TSPAN18: variants seen among roughly 807,000 people sequenced by gnomAD.
The protein encoded by TSPAN18 is tetraspanin 18, also known as tetraspanin-18.
A neutral mutation model predicts 27.3 loss-of-function variants in TSPAN18; 14 were observed. The ratio of observed to expected loss-of-function variants is 0.51; its 90% confidence interval spans 0.34 to 0.80. The LOEUF is 0.80. Ranked by LOEUF, TSPAN18 falls within the 30% of genes least tolerant of loss-of-function variation. The pLI is 0.01. For synonymous variants in TSPAN18, 143 were observed against 136.5 expected, an observed-to-expected ratio of 1.05 and a Z score of -0.33; for missense variants, 268 against 323.9, an observed-to-expected ratio of 0.83 and a Z score of 1.32.
chr11:44,918,989 C>T (rs1350594443), intron 6 of TSPAN18, among the ~76,000 whole-genome samples: 5 of 104,604 alleles, frequency 4.8e-5, no homozygotes, highest in South Asian at 6.1e-4. Context: ...GCCCTGACCT[C>T]GGCTCCACCG....
chr11:44,741,461 G>GT (rs1366177625), intron 1 of TSPAN18, among the ~76,000 whole-genome samples: 1 of 152,104 alleles, frequency 6.6e-6, no homozygotes, highest in Non-Finnish European at 1.5e-5. Flanking sequence ...GTGTGTGTGT[G>GT]TGTGTGTGTG....
chr11:44,783,009 A>G (rs984050329), intron 2 of TSPAN18, among the ~76,000 whole-genome samples: 3 of 151,988 alleles, frequency 2.0e-5, no homozygotes, highest in Non-Finnish European at 4.4e-5. Context: ...TTGTATTTTT[A>G]GTAGAGATGG....
intron 2 of TSPAN18, among the ~76,000 whole-genome samples, chr11:44,798,916 G>A (rs1856411610): frequency 6.6e-6 from 1 of 152,068 alleles, no homozygotes; most frequent in Non-Finnish European, 1.5e-5. Flanking sequence ...ATTGAATCTG[G>A]TGAGACTGAG....
At chr11:44,905,900 C>T (rs914675936) in intron 3 of TSPAN18, among the ~76,000 whole-genome samples, 2 of 152,176 alleles carry the variant, frequency 1.3e-5, no homozygotes, top group African/African-American at 2.4e-5. Flanking sequence ...CACCAAGCAA[C>T]CGCCCTGGTC....
chr11:44,840,330 G>T (rs1857348628), intron 2 of TSPAN18, among the ~76,000 whole-genome samples: 1 of 152,196 alleles, frequency 6.6e-6, no homozygotes, highest in Admixed American at 6.5e-5. Context: ...CCTCATTGGG[G>T]AGAGTTGATA....
intron 1 of TSPAN18, among the ~76,000 whole-genome samples, chr11:44,730,781 A>G (rs10838347): frequency 0.96 from 146,638 of 152,066 alleles, 70,824 homozygotes; most frequent in Non-Finnish European, 1. Flanking sequence ...GTGCCACCAC[A>G]CCTGGCTAAT....
At chr11:44,819,079 G>A (rs994201394) in intron 2 of TSPAN18, among the ~76,000 whole-genome samples, 2 of 152,154 alleles carry the variant, frequency 1.3e-5, no homozygotes, top group African/African-American at 4.8e-5. Context: ...CCACGGACGC[G>A]CCTGGTGTGC....
chr11:44,905,376 C>T (rs374348565), intron 3 of TSPAN18, among the ~76,000 whole-genome samples: 40 of 152,270 alleles, frequency 2.6e-4, no homozygotes, highest in African/African-American at 7.7e-4. Context: ...CCTGCAGTGC[C>T]GGCAGCTCAG....
intron 2 of TSPAN18, among the ~76,000 whole-genome samples, chr11:44,774,929 C>T (rs560175267): frequency 5.9e-5 from 9 of 152,328 alleles, no homozygotes; most frequent in Non-Finnish European, 1.0e-4. Flanking sequence ...CTTTTGTTCA[C>T]ACTCAGGCAT....
intron 2 of TSPAN18, among the ~76,000 whole-genome samples, chr11:44,805,164 A>C (rs1856565488): frequency 6.6e-6 from 1 of 152,180 alleles, no homozygotes; most frequent in South Asian, 2.1e-4. Context: ...GCTTTTCATA[A>C]AGACTGGTCA....
chr11:44,750,442 G>C (rs1282344778), intron 1 of TSPAN18, among the ~76,000 whole-genome samples: 1 of 152,180 alleles, frequency 6.6e-6, no homozygotes, highest in Non-Finnish European at 1.5e-5. Flanking sequence ...GAGTCTGCAG[G>C]TGTTTGGAGA....
chr11:44,908,821 A>AAGAAAGAG (rs1554938152), intron 4 of TSPAN18, among the ~76,000 whole-genome samples: 2 of 114,308 alleles, frequency 1.7e-5, no homozygotes, highest in African/African-American at 7.3e-5. Flanking sequence ...GAAAGAAAGA[A>AAGAAAGAG]AGAAAGAAAA....
chr11:44,747,023 G>T (rs1855094057), intron 1 of TSPAN18, among the ~76,000 whole-genome samples: 1 of 152,224 alleles, frequency 6.6e-6, no homozygotes, highest in South Asian at 2.1e-4. Flanking sequence ...CCAGCCCTGT[G>T]TCCCCAGCCA....
In TSPAN18 at chr11:44,913,160, G is replaced by C. The variant is rs560767577; in HGVS notation, c.258+3261G>C. 1.4e-4 allele frequency among the ~76,000 whole-genome samples: 22 copies of C among 152,322 alleles called. No individual in the cohort carries two copies. The East Asian group carries it at 3.9e-3, about 27-fold the overall frequency. ...ACTGCTTTCTCAGCCTGTCAGAAAG[G>C]AGAGAAGGCTTGTCTTGAGAGGGGC... On this transcript the variant is annotated intron_variant, in intron 5 of 9. Transcript: ENST00000520358.
chr11:44,729,615 T>A (rs1854602768), intron 1 of TSPAN18, among the ~76,000 whole-genome samples: 1 of 152,082 alleles, frequency 6.6e-6, no homozygotes, highest in Admixed American at 6.5e-5. Flanking sequence ...AAACAGCCAG[T>A]ATATGTGGTG....
intron 2 of TSPAN18, among the ~76,000 whole-genome samples, chr11:44,785,922 C>T (rs974672691): frequency 1.3e-5 from 2 of 152,220 alleles, no homozygotes; most frequent in Admixed American, 1.3e-4. Flanking sequence ...TTGTGTGACC[C>T]AGGGCAAGTC....
At chr11:44,777,961 T>A (rs835823) in intron 2 of TSPAN18, among the ~76,000 whole-genome samples, 142,908 of 152,154 alleles carry the variant, frequency 0.94, 67,826 homozygotes, top group East Asian at 1. Flanking sequence ...AGAAGGTGCC[T>A]CTTAAAGGAT....
At chr11:44,814,386 G>A (rs1856779473) in intron 2 of TSPAN18, among the ~76,000 whole-genome samples, 1 of 152,096 alleles carries the variant, frequency 6.6e-6, no homozygotes, top group South Asian at 2.1e-4. Flanking sequence ...CTTGTCTTGA[G>A]TTTTCTCATT....
intron 5 of TSPAN18, 150 bp from the exon 6 acceptor site, chr11:44,917,822 T>C (rs907823684): frequency 6.2e-6 from 4 of 649,508 alleles, no homozygotes; most frequent in Admixed American, 5.4e-5. Flanking sequence ...GTGTTTGTTA[T>C]GAAAAATGTC....
Sources: gnomAD v4.1 joint callset for allele counts (sites outside exome capture counted in the v4.1 genomes callset) on GRCh38, gnomAD v4.1.1 for gene constraint, MANE v1.5 for transcripts, NCBI Gene and HGNC (gene_info 2026-07-23, HGNC 2026-07-21) for gene names.